USP6: variants seen among roughly 807,000 people sequenced by gnomAD.
USP6 encodes ubiquitin carboxyl-terminal hydrolase 6.
USP6 carries 128 observed loss-of-function variants against 175.7 expected under a neutral mutation model. That is an observed-to-expected ratio of 0.73 (90% CI 0.63 to 0.84). The LOEUF (loss-of-function observed/expected upper bound fraction) is 0.84. USP6 is among the 40% of genes least tolerant of loss of function. The pLI is 0.00. For synonymous variants in USP6, 562 were observed against 630.6 expected (o/e 0.89, Z 1.63); for missense variants, 1,498 against 1,760.3 (o/e 0.85, Z 2.67).
rs901693045 is a variant in USP6 at position 5,130,643 on chromosome 17, C to G, written c.114C>G (p.Pro38=). 4.3e-6 allele frequency: 7 copies of G among 1,613,768 alleles called. No homozygotes were observed. The highest frequency in any genetic ancestry group is 1.1e-5 in the South Asian group (1 of 91,078). ...TGCCAGAGGACAAGGGGCCTGAGCC[C>G]GTTGGAATCAACAGCAGCATTGATC... is the stretch of plus-strand genomic sequence containing the variant. ...AGLPEDKGPE[P]VGINSSIDRF... is the part of the protein sequence containing the mutation. Residue 38 remains proline, a synonymous_variant, in exon 11 of 38, where the codon CCC becomes CCG. Coordinates refer to ENST00000574788, the MANE Select transcript of USP6 (RefSeq NM_001304284.2).
rs552216482 is a variant in USP6, at chr17:5,155,605, C to A, written c.2827C>A (p.Arg943Ser). 6.2e-7 allele frequency: 1 copy of A among 1,613,788 alleles called. No individual in the cohort carries two copies. Among genetic ancestry groups the A allele is most frequent in the Non-Finnish European group, 8.5e-7 (1 of 1,179,844 alleles). The change falls in exon 31 of 38, where the codon CGT (arginine) becomes AGT (serine). Residue 943 changes from arginine to serine, a missense_variant and splice_region_variant. This residue lies in a region of USP6 where 1,217 missense variants were observed against 1,500.8 expected (regional missense o/e 0.81). Coordinates refer to ENST00000574788, the MANE Select transcript of USP6 (RefSeq NM_001304284.2). ...PQEASIHAQD[R>S]DNCMGYQYPF... Reference sequence around the variant, plus strand: ...GGAAGCTAGTATTCATGCCCAGGATCGGTGAGTTCAGGGGATCCATCTAAA... The same window carrying A: ...GGAAGCTAGTATTCATGCCCAGGATAGGTGAGTTCAGGGGATCCATCTAAA...
At chr17:5,163,647 TTAA>T (rs2074047914) in intron 33 of USP6, among the ~76,000 whole-genome samples, 1 of 152,180 alleles carries the variant, frequency 6.6e-6, no homozygotes, top group Non-Finnish European at 1.5e-5. Flanking sequence ...TTCAAAAATA[TTAA>T]TAAGTGAATC....
chr17:5,140,313 C>T (rs2073407721), intron 22 of USP6, among the ~76,000 whole-genome samples: 1 of 152,050 alleles, frequency 6.6e-6, no homozygotes, highest in Non-Finnish European at 1.5e-5. Context: ...ACCTGTAATC[C>T]CAGCAATTTG....
intron 2 of USP6, among the ~76,000 whole-genome samples, chr17:5,120,348 G>T (rs375122055): frequency 6.6e-6 from 1 of 152,082 alleles, no homozygotes; most frequent in Admixed American, 6.6e-5. Context: ...TGTGCTGGGG[G>T]GTTGTTATCT....
chr17:5,133,348 T>C (rs532381979), intron 13 of USP6, 95 bp from the exon 14 acceptor site: 29 of 1,374,848 alleles, frequency 2.1e-5, no homozygotes, highest in Non-Finnish European at 2.8e-5. Flanking sequence ...TGAGGAATCA[T>C]GGGGCCAAAA....
At chr17:5,118,061 T>TC (rs1219568625) in intron 1 of USP6, 139 bp from the exon 2 acceptor site, 1 of 143,316 alleles carries the variant, frequency 7.0e-6, no homozygotes, top group African/African-American at 2.8e-5. Context: ...AGAGTGGGAC[T>TC]CCGTCTCAAA....
Position 5,174,379 on chromosome 17 carries a change from T to G in USP6, c.*1401T>G, listed in dbSNP as rs1432549708. The G allele has an allele frequency of 1.0e-5, 2 of 190,860 alleles. No homozygotes were observed. The highest frequency in any genetic ancestry group is 2.3e-5 in the African/African-American group (1 of 42,984). 11.8% of individuals were successfully genotyped at this position (190,860 alleles called of 1,614,324 possible). On this transcript the variant is annotated 3_prime_UTR_variant, in exon 38 of 38. Transcript: ENST00000574788. ...CCCTTTCTTCCTCATAGGTAGTAAT[T>G]ACCAATGTAACTAAGCATTTGTGTT...
chr17:5,141,526 G>T (rs533748292), intron 23 of USP6, 27 bp downstream of exon 23: 12 of 1,541,196 alleles, frequency 7.8e-6, no homozygotes, highest in Non-Finnish European at 1.1e-5. Context: ...ATTTTTTAAA[G>T]AGATTATTTT....
chr17:5,173,863 A>C lies in USP6; in HGVS notation c.*885A>C. The C allele has an allele frequency of 4.5e-6, 1 of 223,378 alleles. No homozygotes were observed. Among genetic ancestry groups the C allele is most frequent in the African/African-American group, 2.2e-5 (1 of 44,898 alleles). The allele number at this position is 223,378 out of a possible 1,614,324, so 13.8% of individuals were successfully genotyped here. A position where few individuals can be genotyped will look rare whatever the true frequency, so the allele number is the denominator to read the frequency against. On this transcript the variant is annotated 3_prime_UTR_variant, in exon 38 of 38. Coordinates refer to ENST00000574788, the MANE Select transcript of USP6 (RefSeq NM_001304284.2). ...TGCAACAAGAGCTTCTGGGAAGGTA[A>C]GCGGCATCGGAGCTAGATCACGTTT...
intron 30 of USP6, 108 bp from the exon 31 acceptor site, chr17:5,155,314 G>C: frequency 7.8e-7 from 1 of 1,280,738 alleles, no homozygotes; most frequent in Non-Finnish European, 1.1e-6. Flanking sequence ...ATGTGATAGT[G>C]ACTAATTTGA....
intron 21 of USP6, chr17:5,138,967 C>A: frequency 6.8e-7 from 1 of 1,461,708 alleles, no homozygotes; most frequent in Non-Finnish European, 9.1e-7. Context: ...GGGCCATATC[C>A]CAGGCCCAAC....
rs1262804643 is a variant in USP6 at position 5,135,247 on chromosome 17, T to C, written c.508T>C (p.Phe170Leu). Residue 170 changes from phenylalanine (F) to leucine (L), a missense_variant, in exon 16 of 38, where the codon TTC becomes CTC. By Grantham distance (22) the Phe-to-Leu change is conservative (BLOSUM62 0). Coordinates refer to ENST00000574788, the MANE Select transcript of USP6 (RefSeq NM_001304284.2). ...TGTGTTTCCTAGGCAGAGGGAACTA[T>C]TCTACATCCTCCTGGCCTATTCGGA... Reference protein sequence around the residue: ...DRYGAKQRELFYILLAYSEYN... With the variant: ...DRYGAKQRELLYILLAYSEYN... 6 of 1,612,960 alleles carry C rather than the reference T, an allele frequency of 3.7e-6. No homozygotes were observed. The highest frequency in any genetic ancestry group is 3.3e-4 in the Middle Eastern group (2 of 6,048).
Position 5,139,327 on chromosome 17 carries a change from G to C in USP6, c.1151G>C (p.Gly384Ala). 1 of 1,611,762 alleles carries C rather than the reference G, an allele frequency of 6.2e-7. No homozygotes were observed. Among genetic ancestry groups the C allele is most frequent in the Non-Finnish European group, 8.5e-7 (1 of 1,180,016 alleles). Residue 384 changes from glycine to alanine, a missense_variant, in exon 22 of 38, where the codon GGG (glycine) becomes GCG (alanine). By Grantham distance (60) the Gly-to-Ala change is moderately conservative. Around this residue, in one of 2 missense-constraint regions of USP6, gnomAD observed 1,217 missense variants for 1,500.8 expected, o/e 0.81. Transcript: ENST00000574788. ...CGTGGTGGGAAGACCCTCTGCAAGG[G>C]GTATAGGCAGGCCCCTCCAGGCCCA... ...ASRGGKTLCK[G>A]YRQAPPGPPA...
At chr17:5,154,711 CT>C (rs11440951) in intron 30 of USP6, among the ~76,000 whole-genome samples, 5 of 107,376 alleles carry the variant, frequency 4.7e-5, no homozygotes, top group African/African-American at 1.1e-4. Flanking sequence ...TTGAGATAGT[CT>C]TTTTTTTTTT....
intron 15 of USP6, 125 bp downstream of exon 15, chr17:5,134,121 C>T (rs1292614087): frequency 1.2e-5 from 13 of 1,049,864 alleles, no homozygotes; most frequent in Non-Finnish European, 1.8e-5. Context: ...CTCTCCTGGC[C>T]CAGGGAGCAG....
At chr17:5,126,206 C>G (rs1036028157) in intron 6 of USP6, among the ~76,000 whole-genome samples, 6 of 150,984 alleles carry the variant, frequency 4.0e-5, no homozygotes, top group African/African-American at 1.2e-4. Context: ...AAGAGAGAAG[C>G]AGAGCCCCAG....
Position 5,135,294 on chromosome 17 carries a change from C to G in USP6, c.543+12C>G. The G allele has an allele frequency of 6.2e-7, 1 of 1,612,198 alleles. No homozygotes were observed. Among genetic ancestry groups the G allele is most frequent in the African/African-American group, 1.3e-5 (1 of 74,952 alleles). On this transcript the variant is annotated intron_variant, in intron 16 of 37. Transcript: ENST00000574788. ...CGGAGTATAACCCGGTGAGTATTCC[C>G]GGCAGTGAGGTTCCCAGGCTGTATT... is the stretch of plus-strand genomic sequence containing the variant.
chr17:5,169,580 TA>T (rs2074169049), intron 35 of USP6, among the ~76,000 whole-genome samples: 1 of 152,182 alleles, frequency 6.6e-6, no homozygotes, highest in African/African-American at 2.4e-5. Flanking sequence ...TAGCTGGGAC[TA>T]CAGGCATGCA....
chr17:5,142,150 T>C lies in USP6; in HGVS notation c.1712+9T>C. 1 of 1,609,162 alleles carries C rather than the reference T, an allele frequency of 6.2e-7. No homozygotes were observed. The highest frequency in any genetic ancestry group is 1.7e-4 in the Middle Eastern group (1 of 6,040). ...CTTTATGAACTCAACAGGTAAACTT[T>C]CTTGAGTCACTGGCCTCTTAACCTG... On this transcript the variant is annotated intron_variant, in intron 24 of 37. Transcript: ENST00000574788.
Sources: gnomAD v4.1 joint callset for allele counts (sites outside exome capture counted in the v4.1 genomes callset) on GRCh38, gnomAD v4.1.1 for gene constraint, gnomAD v4.1.1 regional missense constraint, MANE v1.5 for transcripts, NCBI Gene and HGNC (gene_info 2026-07-23, HGNC 2026-07-21) for gene names.